The following PDGFD variants were observed in gnomAD, a reference collection of about 807,000 sequenced individuals.
PDGFD encodes platelet-derived growth factor D.
A neutral mutation model predicts 44.7 loss-of-function variants in PDGFD; 30 were observed. That is an observed-to-expected ratio of 0.67 (90% CI 0.50 to 0.91). PDGFD has a LOEUF of 0.91. PDGFD is among the 40% of genes least tolerant of loss of function. The pLI is 0.00. For synonymous variants in PDGFD, 173 were observed against 168.4 expected, an observed-to-expected ratio of 1.03 and a Z score of -0.21; for missense variants, 445 against 457.8, an observed-to-expected ratio of 0.97 and a Z score of 0.25.
chr11:104,087,002 T>C (rs1295896226), intron 1 of PDGFD, among the ~76,000 whole-genome samples: 1 of 149,880 alleles, frequency 6.7e-6, no homozygotes, highest in East Asian at 2.0e-4. Flanking sequence ...CAGTTCCCTC[T>C]TGTACCTAGG....
intron 3 of PDGFD, among the ~76,000 whole-genome samples, chr11:103,984,813 TATTTATTTAATATATAATATATTA>T (rs1191694391): frequency 8.3e-4 from 119 of 142,872 alleles, no homozygotes; most frequent in Non-Finnish European, 3.9e-4. Context: ...AATATATTTA[TATTTATTTAATATATAATATATTA>T]ATTTATTTAA....
At chr11:104,159,984 A>G (rs1027250036) in intron 1 of PDGFD, among the ~76,000 whole-genome samples, 1 of 152,222 alleles carries the variant, frequency 6.6e-6, no homozygotes, top group Non-Finnish European at 1.5e-5. Flanking sequence ...ATAGACTTTA[A>G]TATCCTTAGA....
At chr11:104,075,810 A>G (rs981813976) in intron 1 of PDGFD, among the ~76,000 whole-genome samples, 1 of 152,146 alleles carries the variant, frequency 6.6e-6, no homozygotes, top group African/African-American at 2.4e-5. Context: ...CAAGCTCCAG[A>G]ATGATTTCCC....
intron 1 of PDGFD, among the ~76,000 whole-genome samples, chr11:104,108,603 A>G (rs1270588170): frequency 2.0e-5 from 3 of 152,174 alleles, no homozygotes; most frequent in African/African-American, 4.8e-5. Context: ...ACTGTTGGTG[A>G]GACTGTAAAC....
chr11:104,010,537 T>A (rs1362079447), intron 1 of PDGFD, among the ~76,000 whole-genome samples: 1 of 152,078 alleles, frequency 6.6e-6, no homozygotes, highest in Non-Finnish European at 1.5e-5. Flanking sequence ...TCCTTCAAAA[T>A]AGCTTGTATT....
At chr11:103,955,456 G>A (rs7108954) in intron 3 of PDGFD, among the ~76,000 whole-genome samples, 9,819 of 152,158 alleles carry the variant, frequency 0.065, 882 homozygotes, top group East Asian at 0.22. Context: ...ATGTCTTAAC[G>A]TCTACAGGAA....
chr11:103,999,455 T>C (rs142170192), intron 2 of PDGFD, among the ~76,000 whole-genome samples: 4 of 152,284 alleles, frequency 2.6e-5, no homozygotes, highest in African/African-American at 9.6e-5. Context: ...ACAGCTTTCA[T>C]CTTCTACTTG....
intron 3 of PDGFD, among the ~76,000 whole-genome samples, chr11:103,985,916 A>G (rs573083008): frequency 3.1e-4 from 47 of 152,272 alleles, no homozygotes; most frequent in African/African-American, 1.1e-3. Flanking sequence ...CCCAGCCAAG[A>G]AGCAATGATT....
chr11:104,149,186 CA>C, intron 1 of PDGFD, among the ~76,000 whole-genome samples: 1 of 152,206 alleles, frequency 6.6e-6, no homozygotes, highest in East Asian at 1.9e-4. Context: ...GCAAATACCT[CA>C]TCTAGGTACA....
At chr11:103,982,147 G>A (rs1293472456) in intron 3 of PDGFD, among the ~76,000 whole-genome samples, 2 of 151,672 alleles carry the variant, frequency 1.3e-5, no homozygotes, top group Non-Finnish European at 1.5e-5. Context: ...AGCAGCTAAG[G>A]GCCCTTGGTA....
At chr11:104,089,519 T>C (rs1486776848) in intron 1 of PDGFD, among the ~76,000 whole-genome samples, 2 of 152,176 alleles carry the variant, frequency 1.3e-5, no homozygotes, top group Non-Finnish European at 2.9e-5. Context: ...AAATTAATTG[T>C]AAGAATAAAA....
intron 1 of PDGFD, among the ~76,000 whole-genome samples, chr11:104,163,145 G>C (rs555773260): frequency 6.6e-6 from 1 of 152,218 alleles, no homozygotes; most frequent in African/African-American, 2.4e-5. Flanking sequence ...GCAGAAGCCT[G>C]GTGCCCCTGT....
In PDGFD at chr11:103,921,255, T is replaced by C. The variant is rs150739684; in HGVS notation, c.987+5657A>G. The stretch of plus-strand genomic sequence containing the variant: ...CCAAAAAAATAACAGAAAAGAGATT[T>C]TCTTGACTTTTATTATGGTTAGGTA... On this transcript the variant is annotated intron_variant, in intron 6 of 6. Transcript: ENST00000393158. Among the ~76,000 whole-genome samples, 295 of 152,288 alleles carry C rather than the reference T, an allele frequency of 1.9e-3. 1 individual carries two copies. The highest frequency in any genetic ancestry group is 3.2e-3 in the Non-Finnish European group (221 of 68,020).
intron 6 of PDGFD, 33 bp downstream of exon 6, chr11:103,926,879 A>G: frequency 1.3e-6 from 2 of 1,581,712 alleles, no homozygotes; most frequent in Non-Finnish European, 8.6e-7. Flanking sequence ...CTATAGATTA[A>G]GCATTGCAAC....
chr11:104,019,902 C>T (rs1457155142), intron 1 of PDGFD, among the ~76,000 whole-genome samples: 1 of 152,104 alleles, frequency 6.6e-6, no homozygotes, highest in Non-Finnish European at 1.5e-5. Context: ...ATCTACATGT[C>T]ACTTCCTTCA....
rs1862431951 is a variant in PDGFD, at chr11:104,164,040, C to A, written c.-113G>T. 26 of 1,241,316 alleles carry A rather than the reference C, an allele frequency of 2.1e-5. No homozygotes were observed. Among genetic ancestry groups the A allele is most frequent in the Non-Finnish European group, 2.6e-5 (24 of 932,030 alleles). The allele number at this position is 1,241,316 out of a possible 1,614,324, so 76.9% of individuals were successfully genotyped here. On this transcript the variant is annotated 5_prime_UTR_variant, in exon 1 of 7. Coordinates refer to ENST00000393158, the MANE Select transcript of PDGFD (RefSeq NM_025208.5). ...CCGCCTGCGCTCGCCCTGCGCTGGC[C>A]CGGGTCGCTGTGCTAATCGCCGAGC...
At chr11:103,976,348 G>A (rs1376223180) in intron 3 of PDGFD, among the ~76,000 whole-genome samples, 5 of 152,040 alleles carry the variant, frequency 3.3e-5, no homozygotes, top group Non-Finnish European at 5.9e-5. Context: ...TTGGTGTATA[G>A]GAATGTTTGT....
intron 5 of PDGFD, among the ~76,000 whole-genome samples, chr11:103,939,492 C>G (rs1397307010): frequency 6.6e-6 from 1 of 152,128 alleles, no homozygotes. Flanking sequence ...ACAATCATGT[C>G]ATCTGCAAAC....
chr11:104,002,707 G>A (rs555264495), intron 1 of PDGFD, among the ~76,000 whole-genome samples: 20 of 152,262 alleles, frequency 1.3e-4, no homozygotes, highest in African/African-American at 4.8e-4. Flanking sequence ...GTATTTTCAA[G>A]ACTTCTATCA....
Sources: allele counts gnomAD v4.1 joint callset (sites outside exome capture counted in the v4.1 genomes callset), GRCh38; gene constraint gnomAD v4.1.1; transcripts MANE v1.5; gene names NCBI Gene and HGNC (gene_info 2026-07-23, HGNC 2026-07-21).